COG7: variants seen among roughly 807,000 people sequenced by gnomAD.
COG7 encodes the protein component of oligomeric golgi complex 7.
COG7 carries 49 observed loss-of-function variants against 91.5 expected under a neutral mutation model. That is an observed-to-expected ratio of 0.54 (90% CI 0.43 to 0.68). The LOEUF is 0.68. Among genes scored for constraint, COG7 ranks in the 30% least tolerant of loss-of-function variants. The pLI is 0.00. For synonymous variants in COG7, 365 were observed against 388.7 expected (o/e 0.94, Z 0.72); for missense variants, 895 against 961.3 (o/e 0.93, Z 0.91).
intron 1 of COG7, among the ~76,000 whole-genome samples, chr16:23,448,545 C>T (rs1000057384): frequency 1.3e-5 from 2 of 152,120 alleles, no homozygotes; most frequent in Non-Finnish European, 2.9e-5. Context: ...CTCCTGGCCT[C>T]GAGCAATCCT....
At chr16:23,415,687 A>T (rs1192825611) in intron 9 of COG7, 1 of 152,326 alleles carries the variant, frequency 6.6e-6, no homozygotes. Flanking sequence ...TCCCATGCCC[A>T]TCACAGTCTT....
intron 6 of COG7, among the ~76,000 whole-genome samples, chr16:23,428,425 AT>A (rs1354277140): frequency 6.6e-6 from 1 of 152,040 alleles, no homozygotes; most frequent in Non-Finnish European, 1.5e-5. Flanking sequence ...TTTTTTTTTA[AT>A]GGACAAAAGA....
intron 10 of COG7, among the ~76,000 whole-genome samples, chr16:23,411,350 G>C (rs1036940728): frequency 6.6e-6 from 1 of 152,064 alleles, no homozygotes; most frequent in African/African-American, 2.4e-5. Flanking sequence ...TCATCACCAG[G>C]CTATCTAGGC....
intron 3 of COG7, among the ~76,000 whole-genome samples, chr16:23,443,799 T>C (rs987257942): frequency 6.6e-6 from 1 of 152,134 alleles, no homozygotes; most frequent in Non-Finnish European, 1.5e-5. Context: ...CATAAATATG[T>C]ATGTGCATAT....
At position 23,444,537 on chromosome 16, in the gene COG7, G is replaced by A. The variant is rs570398859; in HGVS notation, c.435+511C>T. Among the ~76,000 whole-genome samples, 3 of 148,752 alleles carry A rather than the reference G, an allele frequency of 2.0e-5. No homozygotes were observed. The South Asian group carries it at 6.4e-4, about 32-fold the overall frequency. On this transcript the variant is annotated intron_variant, in intron 3 of 16. Coordinates refer to ENST00000307149, the MANE Select transcript of COG7 (RefSeq NM_153603.4). ...TTTTTTTTTTTTTTTTTGAGACAGG[G>A]TCTTGCTCTGTCCCTCAGCATAGTG...
intron 15 of COG7, 104 bp from the exon 16 acceptor site, chr16:23,392,627 C>T: frequency 7.1e-7 from 1 of 1,408,416 alleles, no homozygotes; most frequent in African/African-American, 1.4e-5. Flanking sequence ...ACACAGGAAA[C>T]CGAAAACAGT....
intron 12 of COG7, among the ~76,000 whole-genome samples, chr16:23,405,044 C>T (rs193148100): frequency 1.1e-3 from 162 of 152,284 alleles, no homozygotes; most frequent in Non-Finnish European, 1.9e-3. Flanking sequence ...AGGATGCCCA[C>T]GGTCTTCTTA....
intron 4 of COG7, 138 bp downstream of exon 4, chr16:23,442,333 CAAAAAA>C (rs57747474): frequency 5.1e-5 from 28 of 549,920 alleles, no homozygotes; most frequent in East Asian, 6.7e-5. Context: ...GACTCCGTCT[CAAAAAA>C]AAAAAAAAAA....
intron 4 of COG7, among the ~76,000 whole-genome samples, chr16:23,435,466 T>C (rs559274897): frequency 1.8e-4 from 28 of 152,332 alleles, no homozygotes; most frequent in African/African-American, 6.7e-4. Flanking sequence ...AGTTATGGGC[T>C]TAATATCAAG....
Position 23,434,532 on chromosome 16 carries a change from G to A in COG7, c.687+104C>T, listed in dbSNP as rs192923440. ...TAAGAGAAAAACAGCCAGAGGGCAAGGAGACAAATGTTCTTACCTTCTGAA... is the reference window on the plus strand; with the variant it reads ...TAAGAGAAAAACAGCCAGAGGGCAAAGAGACAAATGTTCTTACCTTCTGAA... On this transcript the variant is annotated intron_variant, in intron 5 of 16. Transcript: ENST00000307149. 4.6e-6 allele frequency: 4 copies of A among 875,436 alleles called. No individual in the cohort carries two copies. The Admixed American group carries it at 5.9e-5, about 13-fold the overall frequency. The allele number at this position is 875,436 out of a possible 1,614,324, so 54.2% of individuals were successfully genotyped here.
intron 9 of COG7, chr16:23,416,663 T>C (rs996922430): frequency 4.8e-5 from 20 of 413,802 alleles, no homozygotes; most frequent in South Asian, 3.1e-4. Context: ...AAATAAACTT[T>C]GTTAAATTTA....
intron 13 of COG7, among the ~76,000 whole-genome samples, chr16:23,399,785 T>C (rs1280230588): frequency 6.6e-6 from 1 of 151,524 alleles, no homozygotes; most frequent in African/African-American, 2.4e-5. Flanking sequence ...AACAAGTAAA[T>C]TGCAAGGGAA....
intron 7 of COG7, 57 bp downstream of exon 7, chr16:23,424,692 A>G (rs563890226): frequency 1.3e-6 from 2 of 1,569,206 alleles, no homozygotes; most frequent in Non-Finnish European, 1.8e-6. Flanking sequence ...AGGCCCCAGA[A>G]GCTTCAGAAA....
At position 23,451,990 on chromosome 16, in the gene COG7, C is replaced by T. The variant is rs1425306263; in HGVS notation, c.169+836G>A. ...AATAAACACCTCACAGACTCGTGCT[C>T]CTAGATTACAAAAAGTCAAAGCCAA... On this transcript the variant is annotated intron_variant, in intron 1 of 16. Coordinates refer to ENST00000307149, the MANE Select transcript of COG7 (RefSeq NM_153603.4). Among the ~76,000 whole-genome samples the T allele has an allele frequency of 3.3e-5, 5 of 152,112 alleles. No homozygotes were observed. The East Asian group carries it at 9.6e-4, about 29-fold the overall frequency.
chr16:23,420,086 A>G (rs988787077), intron 7 of COG7, among the ~76,000 whole-genome samples: 1 of 152,012 alleles, frequency 6.6e-6, no homozygotes. Context: ...AGATTACACC[A>G]CTGCACTCCA....
In COG7 at chr16:23,400,485, G is replaced by A. The variant is rs140913850; in HGVS notation, c.1804-2356C>T. On this transcript the variant is annotated intron_variant, in intron 13 of 16. Transcript: ENST00000307149. The stretch of plus-strand genomic sequence containing the variant: ...AAGAGCAGGTAACAATGTGCAGGGC[G>A]AAGACAAGCACTGCTGCCATCCATC... 4.0e-3 allele frequency among the ~76,000 whole-genome samples: 612 copies of A among 152,248 alleles called. 4 individuals carry two copies. The highest frequency in any genetic ancestry group is 6.8e-3 in the Middle Eastern group (2 of 294).
chr16:23,429,143 C>A (rs1888578620), intron 6 of COG7, among the ~76,000 whole-genome samples: 1 of 152,164 alleles, frequency 6.6e-6, no homozygotes, highest in South Asian at 2.1e-4. Flanking sequence ...GCATGTGCCA[C>A]CACGCCCAAC....
At chr16:23,440,390 T>C (rs1964081936) in intron 4 of COG7, among the ~76,000 whole-genome samples, 1 of 147,894 alleles carries the variant, frequency 6.8e-6, no homozygotes, top group African/African-American at 2.5e-5. Context: ...AAAAAAAGAA[T>C]CTAAGGTATT....
intron 6 of COG7, among the ~76,000 whole-genome samples, chr16:23,428,593 C>T (rs1435587224): frequency 1.3e-5 from 2 of 151,888 alleles, no homozygotes; most frequent in Non-Finnish European, 2.9e-5. Flanking sequence ...AGAATGTCAA[C>T]ACCTAATTTT....
Sources: gnomAD v4.1 joint callset for allele counts (sites outside exome capture counted in the v4.1 genomes callset) on GRCh38, gnomAD v4.1.1 for gene constraint, MANE v1.5 for transcripts, NCBI Gene and HGNC (gene_info 2026-07-23, HGNC 2026-07-21) for gene names.